CCDC30: variants seen among roughly 807,000 people sequenced by gnomAD.
The protein encoded by CCDC30 is coiled-coil domain-containing protein 30.
Under a neutral mutation model 100.2 loss-of-function variants are expected in CCDC30, and 70 were observed. The ratio of observed to expected loss-of-function variants is 0.70; its 90% CI spans 0.58 to 0.85. The LOEUF is 0.85. Ranked by LOEUF, CCDC30 falls within the 40% of genes least tolerant of loss-of-function variation. The pLI is 0.00. For missense variants in CCDC30, 652 were observed against 771.2 expected (o/e 0.85, Z 1.83); for synonymous variants, 233 against 269.5 (o/e 0.86, Z 1.33).
intron 11 of CCDC30, among the ~76,000 whole-genome samples, chr1:42,627,620 T>G (rs112004105): frequency 0.017 from 2,604 of 152,246 alleles, 73 homozygotes; most frequent in African/African-American, 0.056. Context: ...CATACTGTGT[T>G]CAGCCTAGGG....
At chr1:42,529,424 A>G (rs1390290533) in intron 6 of CCDC30, among the ~76,000 whole-genome samples, 1 of 152,212 alleles carries the variant, frequency 6.6e-6, no homozygotes, top group Non-Finnish European at 1.5e-5. Flanking sequence ...GTGAGCTGAG[A>G]TCATGCCACT....
chr1:42,540,100 G>C (rs377287517), intron 6 of CCDC30, among the ~76,000 whole-genome samples: 3 of 152,146 alleles, frequency 2.0e-5, no homozygotes, highest in Non-Finnish European at 2.9e-5. Context: ...AGATTAAGGA[G>C]CAAAGTCTTG....
Position 42,539,333 on chromosome 1 carries a change from A to G in CCDC30, c.457-26963A>G, listed in dbSNP as rs200729117. The G allele has an allele frequency of 4.1e-3, 6,507 of 1,574,586 alleles. 25 individuals are homozygous for G. Among genetic ancestry groups the G allele is most frequent in the Non-Finnish European group, 4.7e-3 (5,434 of 1,160,710 alleles). On this transcript the variant is annotated intron_variant, in intron 6 of 16. Transcript: ENST00000668663. Reference sequence around the variant, plus strand: ...AAGGTGAGACTGAGTTAGGTATTTAAATGTTCAATATTTAATGTAGCTTTT... The same window carrying G: ...AAGGTGAGACTGAGTTAGGTATTTAGATGTTCAATATTTAATGTAGCTTTT...
At chr1:42,594,145 T>C (rs1211814419) in intron 10 of CCDC30, 1 of 152,224 alleles carries the variant, frequency 6.6e-6, no homozygotes, top group Non-Finnish European at 1.5e-5. Flanking sequence ...TCAGTATCTA[T>C]GATTATTTTG....
intron 7 of CCDC30, among the ~76,000 whole-genome samples, chr1:42,575,575 G>A (rs777377708): frequency 4.1e-4 from 58 of 142,068 alleles, no homozygotes; most frequent in Non-Finnish European, 7.2e-4. Flanking sequence ...GCGTGAACCC[G>A]GGAGGCAGAG....
rs1024334491 is a variant in CCDC30 at position 42,565,056 on chromosome 1, G to A, written c.457-1240G>A. On this transcript the variant is annotated intron_variant, in intron 6 of 16. Coordinates refer to ENST00000668663, the Ensembl canonical transcript of CCDC30. ...GGCTGAACAGTTTTGCATTGTATGTGTGTTTGTGTTGTGTGTGTATACTAT... is the reference window on the plus strand; with the variant it reads ...GGCTGAACAGTTTTGCATTGTATGTATGTTTGTGTTGTGTGTGTATACTAT... Among the ~76,000 whole-genome samples the A allele has an allele frequency of 2.0e-5, 3 of 152,158 alleles. No homozygotes were observed. In the East Asian group the frequency reaches 5.8e-4, roughly 29 times the overall value.
intron 9 of CCDC30, among the ~76,000 whole-genome samples, chr1:42,587,848 C>G (rs189639946): frequency 6.6e-6 from 1 of 152,152 alleles, no homozygotes; most frequent in Non-Finnish European, 1.5e-5. Context: ...AAACTTTATT[C>G]TATTACTGAA....
intron 1 of CCDC30, among the ~76,000 whole-genome samples, chr1:42,465,482 A>G (rs905019143): frequency 6.6e-6 from 1 of 152,084 alleles, no homozygotes; most frequent in Admixed American, 6.5e-5. Flanking sequence ...CTCCTGCTTC[A>G]GCCTCCTGAG....
chr1:42,500,301 G>A (rs191327294), intron 6 of CCDC30: 10 of 1,610,372 alleles, frequency 6.2e-6, no homozygotes, highest in South Asian at 5.5e-5. Context: ...TCGACTTATC[G>A]AATTTCTCCA....
At chr1:42,637,509 C>G in intron 12 of CCDC30, 131 bp downstream of exon 16, 1 of 810,696 alleles carries the variant, frequency 1.2e-6, no homozygotes, top group East Asian at 2.7e-5. Context: ...TTCTTTGCAC[C>G]ATCTTTCAAT....
At chr1:42,530,835 C>T (rs984415045) in intron 6 of CCDC30, among the ~76,000 whole-genome samples, 20 of 152,066 alleles carry the variant, frequency 1.3e-4, no homozygotes, top group Non-Finnish European at 7.4e-5. Flanking sequence ...GATCTTGGAA[C>T]CAATCTCCCT....
upstream of CCDC30, chr1:42,463,196 A>C (rs761519001): frequency 7.2e-5 from 11 of 152,240 alleles, no homozygotes; most frequent in Admixed American, 1.3e-4. Context: ...CAGTCTCCAC[A>C]AGAACCACAG....
At chr1:42,480,127 AAATT>A (rs1452862596) in intron 1 of CCDC30, among the ~76,000 whole-genome samples, 2 of 152,124 alleles carry the variant, frequency 1.3e-5, no homozygotes, top group East Asian at 3.9e-4. Context: ...CCATATATAA[AAATT>A]AACTCAAATT....
intron 6 of CCDC30, among the ~76,000 whole-genome samples, chr1:42,549,881 A>G (rs1378754031): frequency 2.0e-5 from 3 of 152,124 alleles, no homozygotes; most frequent in African/African-American, 7.2e-5. Flanking sequence ...CTTGACCTTA[A>G]TGAGCTTTGT....
chr1:42,540,670 T>TACAC (rs1156598415), intron 6 of CCDC30, among the ~76,000 whole-genome samples: 3 of 123,002 alleles, frequency 2.4e-5, no homozygotes, highest in Non-Finnish European at 5.3e-5. Context: ...CACACACACA[T>TACAC]ACACATACAC....
intron 6 of CCDC30, among the ~76,000 whole-genome samples, chr1:42,528,029 C>T (rs1429149211): frequency 6.6e-6 from 1 of 152,064 alleles, no homozygotes; most frequent in Non-Finnish European, 1.5e-5. Context: ...CCACGTCCAG[C>T]TAATTTTTGT....
intron 10 of CCDC30, chr1:42,589,981 T>C (rs1028039477): frequency 6.6e-6 from 1 of 152,584 alleles, no homozygotes; most frequent in African/African-American, 2.4e-5. Flanking sequence ...TGAAATGTAA[T>C]CCCCATCATT....
chr1:42,530,352 C>T (rs985926444), intron 6 of CCDC30, among the ~76,000 whole-genome samples: 1 of 152,160 alleles, frequency 6.6e-6, no homozygotes, highest in African/African-American at 2.4e-5. Context: ...TTGCTAATCT[C>T]TTACTATGCC....
intron 9 of CCDC30, among the ~76,000 whole-genome samples, chr1:42,582,548 G>A (rs1645988990): frequency 6.6e-6 from 1 of 152,222 alleles, no homozygotes; most frequent in Admixed American, 6.5e-5. Flanking sequence ...TGTCATGGTA[G>A]AGAAGGAATC....
Sources: gnomAD v4.1 joint callset for allele counts (sites outside exome capture counted in the v4.1 genomes callset) on GRCh38, gnomAD v4.1.1 for gene constraint, MANE v1.5 for transcripts, NCBI Gene and HGNC (gene_info 2026-07-23, HGNC 2026-07-21) for gene names.